Variants in ZNF385D observed in about 807,000 individuals in gnomAD.
ZNF385D encodes the protein zinc finger protein 385D.
Under a neutral mutation model 35.8 loss-of-function variants are expected in ZNF385D, and 15 were observed. That is an observed-to-expected ratio of 0.42 (90% confidence interval 0.28 to 0.64). The LOEUF is 0.64. ZNF385D is among the 30% of genes least tolerant of loss of function. The pLI, the probability that ZNF385D is intolerant of heterozygous loss-of-function variation, is 0.23. For synonymous variants in ZNF385D, 212 were observed against 186.8 expected, an observed-to-expected ratio of 1.13 and a Z score of -1.10; for missense variants, 474 against 494.6, an observed-to-expected ratio of 0.96 and a Z score of 0.39.
intron 2 of ZNF385D, among the ~76,000 whole-genome samples, chr3:22,239,648 A>G (rs1204511339): frequency 6.6e-6 from 1 of 151,098 alleles, no homozygotes; most frequent in Non-Finnish European, 1.5e-5. Context: ...CTTATGTTAT[A>G]TTTATTTTTC....
At chr3:22,246,056 A>C (rs1195250725) in intron 2 of ZNF385D, among the ~76,000 whole-genome samples, 1 of 152,140 alleles carries the variant, frequency 6.6e-6, no homozygotes, top group Non-Finnish European at 1.5e-5. Context: ...TGGCCAGGAA[A>C]CTTGAACATC....
chr3:22,244,930 A>G (rs958404983), intron 2 of ZNF385D, among the ~76,000 whole-genome samples: 2 of 151,974 alleles, frequency 1.3e-5, no homozygotes, highest in Admixed American at 6.6e-5. Context: ...GATTTCTACA[A>G]TTTGTGCTAG....
chr3:22,233,334 T>A (rs1491877), intron 2 of ZNF385D, among the ~76,000 whole-genome samples: 3 of 151,936 alleles, frequency 2.0e-5, no homozygotes, highest in African/African-American at 7.3e-5. Flanking sequence ...GGGTAAGTAC[T>A]ATATTATTTC....
intron 3 of ZNF385D, among the ~76,000 whole-genome samples, chr3:22,017,769 G>C (rs1696979479): frequency 1.3e-5 from 2 of 151,754 alleles, no homozygotes; most frequent in African/African-American, 4.8e-5. Context: ...AGAAATTCTA[G>C]CACACCTTGT....
chr3:22,292,006 G>T (rs1009149160), intron 2 of ZNF385D, among the ~76,000 whole-genome samples: 4 of 151,830 alleles, frequency 2.6e-5, no homozygotes, highest in Non-Finnish European at 4.4e-5. Flanking sequence ...ACATACTACA[G>T]GCTCTGTTAT....
intron 1 of ZNF385D, among the ~76,000 whole-genome samples, chr3:21,710,076 C>A (rs1265301123): frequency 6.6e-6 from 1 of 152,088 alleles, no homozygotes; most frequent in East Asian, 1.9e-4. Context: ...AATTACACGA[C>A]CTTTTAGAAA....
chr3:21,598,749 G>T (rs912633379), intron 2 of ZNF385D, among the ~76,000 whole-genome samples: 1 of 152,118 alleles, frequency 6.6e-6, no homozygotes, highest in African/African-American at 2.4e-5. Flanking sequence ...ACTTGATATG[G>T]GAATGCTAAT....
At chr3:21,829,110 T>C (rs1694832802) in intron 3 of ZNF385D, among the ~76,000 whole-genome samples, 1 of 152,252 alleles carries the variant, frequency 6.6e-6, no homozygotes, top group East Asian at 1.9e-4. Flanking sequence ...TTGACATTTT[T>C]CTGGAGGAGG....
At chr3:22,035,004 TTTTGTACATAAAA>T (rs1347120933) in intron 3 of ZNF385D, among the ~76,000 whole-genome samples, 66 of 152,328 alleles carry the variant, frequency 4.3e-4, no homozygotes, top group African/African-American at 1.6e-3. Flanking sequence ...TTTTATATTG[TTTTGTACATAAAA>T]TTTGTACATA....
chr3:22,131,272 C>A, intron 3 of ZNF385D, among the ~76,000 whole-genome samples: 1 of 151,956 alleles, frequency 6.6e-6, no homozygotes, highest in East Asian at 1.9e-4. Flanking sequence ...GAGGACTGAG[C>A]TGACCTTTGG....
At chr3:21,767,072 A>G (rs1457855681) in intron 3 of ZNF385D, among the ~76,000 whole-genome samples, 1 of 111,136 alleles carries the variant, frequency 9.0e-6, no homozygotes, top group Non-Finnish European at 1.9e-5. Context: ...CCCCCCACCC[A>G]CCCTCACACA....
chr3:21,737,128 C>A (rs6765261), intron 1 of ZNF385D, among the ~76,000 whole-genome samples: 1 of 151,892 alleles, frequency 6.6e-6, no homozygotes, highest in Non-Finnish European at 1.5e-5. Flanking sequence ...TTAGTAGGAA[C>A]GGAGTTTCAC....
intron 2 of ZNF385D, among the ~76,000 whole-genome samples, chr3:21,614,123 G>A (rs897989951): frequency 6.6e-6 from 1 of 152,132 alleles, no homozygotes; most frequent in African/African-American, 2.4e-5. Context: ...CCACAGACTG[G>A]GTGGCTTTAC....
At chr3:22,205,206 G>T (rs1245851019) in intron 2 of ZNF385D, among the ~76,000 whole-genome samples, 5 of 151,900 alleles carry the variant, frequency 3.3e-5, no homozygotes, top group Non-Finnish European at 7.4e-5. Context: ...AGAAGAGAGT[G>T]ACATGACAGG....
At chr3:21,544,694 C>A (rs1394935091) in intron 3 of ZNF385D, among the ~76,000 whole-genome samples, 5 of 152,148 alleles carry the variant, frequency 3.3e-5, no homozygotes, top group Admixed American at 3.3e-4. Context: ...TGGTCTTCGG[C>A]AAAATTTATA....
At chr3:22,162,921 T>C (rs1230110869) in intron 3 of ZNF385D, among the ~76,000 whole-genome samples, 2 of 152,172 alleles carry the variant, frequency 1.3e-5, no homozygotes, top group Non-Finnish European at 2.9e-5. Context: ...TGATTTTGTG[T>C]GCAAGTAGTG....
chr3:21,725,963 A>G (rs1311703336), intron 1 of ZNF385D, among the ~76,000 whole-genome samples: 1 of 152,194 alleles, frequency 6.6e-6, no homozygotes, highest in Non-Finnish European at 1.5e-5. Flanking sequence ...GCAGCACATC[A>G]AAAAGTTTAT....
intron 3 of ZNF385D, among the ~76,000 whole-genome samples, chr3:21,942,397 A>T (rs1023304663): frequency 2.6e-5 from 4 of 152,212 alleles, no homozygotes; most frequent in African/African-American, 7.2e-5. Context: ...ACTATGACAC[A>T]TAATACAAAC....
chr3:22,043,676 G>C (rs1698813518), intron 3 of ZNF385D, among the ~76,000 whole-genome samples: 2 of 133,580 alleles, frequency 1.5e-5, no homozygotes, highest in African/African-American at 2.7e-5. Flanking sequence ...AGTGACCCTT[G>C]CCTAAGGGTC....
Sources: gnomAD v4.1 joint callset for allele counts (sites outside exome capture counted in the v4.1 genomes callset) on GRCh38, gnomAD v4.1.1 for gene constraint, MANE v1.5 for transcripts, NCBI Gene and HGNC (gene_info 2026-07-23, HGNC 2026-07-21) for gene names.